COL25A1: variants seen among roughly 807,000 people sequenced by gnomAD.
The protein encoded by COL25A1 is collagen type XXV alpha 1 chain, also known as collagen alpha-1(XXV) chain.
In COL25A1, 103 loss-of-function variants were observed where a neutral mutation model predicts 128.4. The observed-to-expected ratio is 0.80, with a 90% CI of 0.68 to 0.94. COL25A1 has a LOEUF of 0.94. Ranked by LOEUF, COL25A1 falls within the 40% of genes least tolerant of loss-of-function variation. COL25A1 has a pLI of 0.00. For synonymous variants in COL25A1, 279 were observed against 277.2 expected, an observed-to-expected ratio of 1.01 and a Z score of -0.06; for missense variants, 745 against 840.0, an observed-to-expected ratio of 0.89 and a Z score of 1.40.
intron 8 of COL25A1, among the ~76,000 whole-genome samples, chr4:108,944,463 C>T (rs576511558): frequency 2.6e-5 from 4 of 152,110 alleles, no homozygotes; most frequent in Middle Eastern, 3.4e-3. Context: ...AGAACAAAAA[C>T]AGATACAAAC....
intron 3 of COL25A1, among the ~76,000 whole-genome samples, chr4:109,132,682 A>C (rs1462293062): frequency 6.6e-6 from 1 of 152,164 alleles, no homozygotes; most frequent in Non-Finnish European, 1.5e-5. Flanking sequence ...TTTCTGGGTT[A>C]TGCATTATCC....
At chr4:109,268,996 T>C (rs1781989833) in intron 3 of COL25A1, among the ~76,000 whole-genome samples, 1 of 151,744 alleles carries the variant, frequency 6.6e-6, no homozygotes, top group African/African-American at 2.4e-5. Context: ...GTTAGTTACA[T>C]ACGTATGCAT....
intron 6 of COL25A1, among the ~76,000 whole-genome samples, chr4:108,983,545 A>C (rs955763197): frequency 3.9e-5 from 6 of 152,194 alleles, no homozygotes; most frequent in East Asian, 1.9e-4. Context: ...TATTGTGTCC[A>C]GAATTGGTGG....
intron 3 of COL25A1, among the ~76,000 whole-genome samples, chr4:109,140,045 G>A (rs1014771976): frequency 2.6e-5 from 4 of 152,132 alleles, no homozygotes; most frequent in African/African-American, 9.7e-5. Flanking sequence ...GTGTATATGT[G>A]CCACATTTTC....
chr4:109,154,253 A>G (rs1324065637), intron 3 of COL25A1, among the ~76,000 whole-genome samples: 1 of 152,114 alleles, frequency 6.6e-6, no homozygotes, highest in Non-Finnish European at 1.5e-5. Context: ...ATGAGTAGCA[A>G]TTAAAGGCTA....
rs111420309 is a variant in COL25A1 at position 109,203,624 on chromosome 4, C to G, written c.367+96959G>C. On this transcript the variant is annotated intron_variant, in intron 3 of 37. Coordinates refer to ENST00000399132, the MANE Select transcript of COL25A1 (RefSeq NM_198721.4). ...ACCAAGAAAACAAACAAAAAGAATC[C>G]TACAGGTTGTCTGATTTTACCATAG... is the stretch of plus-strand genomic sequence containing the variant. Among the ~76,000 whole-genome samples the G allele has an allele frequency of 2.3e-3, 347 of 151,960 alleles. 1 individual carries two copies. Among genetic ancestry groups the G allele is most frequent in the Middle Eastern group, 3.4e-3 (1 of 294 alleles).
rs561808852 is a variant in COL25A1 at position 109,002,937 on chromosome 4, G to A, written c.438+7421C>T. Among the ~76,000 whole-genome samples, 4 of 152,016 alleles carry A rather than the reference G, an allele frequency of 2.6e-5. No homozygotes were observed. In the South Asian group the frequency reaches 6.3e-4, roughly 24 times the overall value. On this transcript the variant is annotated intron_variant, in intron 6 of 37. Coordinates refer to ENST00000399132, the MANE Select transcript of COL25A1 (RefSeq NM_198721.4). ...TAATGCTCTCCCTCTCCTTGCCCCT[G>A]ACCCCTGACAGGTTGCAGTGTGTGA...
chr4:108,871,552 G>A (rs1451972440), intron 19 of COL25A1, among the ~76,000 whole-genome samples: 1 of 152,200 alleles, frequency 6.6e-6, no homozygotes, highest in South Asian at 2.1e-4. Context: ...TCCTGACCTC[G>A]TGATCCGCCC....
chr4:109,160,438 T>C (rs1046374610), intron 3 of COL25A1, among the ~76,000 whole-genome samples: 7 of 152,230 alleles, frequency 4.6e-5, no homozygotes, highest in Non-Finnish European at 1.0e-4. Flanking sequence ...AAATTGGCCA[T>C]ACTTAACCCT....
At chr4:109,145,735 G>A (rs1578281370) in intron 3 of COL25A1, among the ~76,000 whole-genome samples, 1 of 152,162 alleles carries the variant, frequency 6.6e-6, no homozygotes. Flanking sequence ...CAGCTACTCA[G>A]GAGGCTGAAG....
intron 6 of COL25A1, among the ~76,000 whole-genome samples, chr4:108,986,474 A>G (rs967873096): frequency 1.3e-5 from 2 of 152,208 alleles, no homozygotes; most frequent in Non-Finnish European, 2.9e-5. Flanking sequence ...AACCTACTCA[A>G]TCTTCTGAAT....
At chr4:109,138,622 A>G (rs992168792) in intron 3 of COL25A1, among the ~76,000 whole-genome samples, 2 of 152,000 alleles carry the variant, frequency 1.3e-5, no homozygotes, top group Non-Finnish European at 2.9e-5. Flanking sequence ...AAGCATTCCT[A>G]TTTCTCCACA....
chr4:109,044,943 T>C lies in COL25A1; in HGVS notation c.420+3225A>G, dbSNP rs191282384. On this transcript the variant is annotated intron_variant, in intron 5 of 37. Coordinates refer to ENST00000399132, the MANE Select transcript of COL25A1 (RefSeq NM_198721.4). Reference sequence around the variant, plus strand: ...ACAGTTGACCTTAAACAGCATGGGTTTGAACCACATTGGTCCACTTATATG... The same window carrying C: ...ACAGTTGACCTTAAACAGCATGGGTCTGAACCACATTGGTCCACTTATATG... 1.6e-4 allele frequency among the ~76,000 whole-genome samples: 25 copies of C among 152,296 alleles called. No individual in the cohort carries two copies. In the East Asian group the frequency reaches 2.5e-3, roughly 15 times the overall value.
Position 108,896,720 on chromosome 4 carries a change from G to A in COL25A1, c.862-9C>T, listed in dbSNP as rs754236027. ...TTCTCTCCAGCGTCTCCCTGAGGAG[G>A]TGAGAAAGTGACACATGTAAAATAC... is the stretch of plus-strand genomic sequence containing the variant. On this transcript the variant is annotated splice_polypyrimidine_tract_variant and intron_variant, in intron 15 of 37. Transcript: ENST00000399132. The A allele has an allele frequency of 1.2e-5, 19 of 1,613,000 alleles. No homozygotes were observed. In the South Asian group the frequency reaches 1.8e-4, roughly 15 times the overall value.
chr4:109,155,909 T>C (rs1245268266), intron 3 of COL25A1, among the ~76,000 whole-genome samples: 1 of 152,100 alleles, frequency 6.6e-6, no homozygotes, highest in Non-Finnish European at 1.5e-5. Context: ...AGAAGTAAGG[T>C]GCTTAAGGAA....
intron 19 of COL25A1, among the ~76,000 whole-genome samples, chr4:108,871,386 G>A (rs1738687152): frequency 6.6e-6 from 1 of 152,126 alleles, no homozygotes; most frequent in Admixed American, 6.5e-5. Flanking sequence ...CACAATCTCG[G>A]CTCACTGCAA....
At chr4:108,840,109 G>C (rs374930578) in intron 31 of COL25A1, among the ~76,000 whole-genome samples, 1 of 151,974 alleles carries the variant, frequency 6.6e-6, no homozygotes, top group African/African-American at 2.4e-5. Flanking sequence ...GGGCATGGTG[G>C]TGGGTGCCTG....
intron 3 of COL25A1, among the ~76,000 whole-genome samples, chr4:109,067,422 G>A (rs1762538704): frequency 1.3e-5 from 2 of 151,902 alleles, no homozygotes; most frequent in Admixed American, 1.3e-4. Flanking sequence ...ACTCTTTGAT[G>A]TCTAAGGAAA....
intron 6 of COL25A1, among the ~76,000 whole-genome samples, chr4:108,996,065 G>A (rs967109665): frequency 1.3e-5 from 2 of 151,980 alleles, no homozygotes; most frequent in East Asian, 1.9e-4. Context: ...ATCAACTAAC[G>A]GGCAAAATAA....
Sources: allele counts gnomAD v4.1 joint callset (sites outside exome capture counted in the v4.1 genomes callset), GRCh38; gene constraint gnomAD v4.1.1; transcripts MANE v1.5; gene names NCBI Gene and HGNC (gene_info 2026-07-23, HGNC 2026-07-21).